AK5: variants seen among roughly 807,000 people sequenced by gnomAD.
AK5 encodes adenylate kinase 5.
In AK5, 27 loss-of-function variants were observed where a neutral mutation model predicts 69.5. The ratio of observed to expected loss-of-function variants is 0.39; its 90% CI spans 0.29 to 0.54. The LOEUF (loss-of-function observed/expected upper bound fraction) is 0.54. AK5 is among the 20% of genes least tolerant of loss of function. AK5 has a pLI of 0.71. For missense variants in AK5, 531 were observed against 700.4 expected (o/e 0.76, Z 2.73); for synonymous variants, 260 against 244.4 (o/e 1.06, Z -0.60).
chr1:77,307,385 A>G (rs1216704295), intron 5 of AK5, among the ~76,000 whole-genome samples: 1 of 151,450 alleles, frequency 6.6e-6, no homozygotes, highest in Non-Finnish European at 1.5e-5. Flanking sequence ...ATATTTGTAT[A>G]ATTATATATC....
chr1:77,372,341 A>G (rs1647135482), intron 6 of AK5, among the ~76,000 whole-genome samples: 1 of 152,174 alleles, frequency 6.6e-6, no homozygotes. Context: ...AATAATTTTT[A>G]TGAGCCCTTG....
At chr1:77,442,304 G>T (rs1407931466) in intron 8 of AK5, among the ~76,000 whole-genome samples, 3 of 152,194 alleles carry the variant, frequency 2.0e-5, no homozygotes, top group African/African-American at 7.2e-5. Context: ...TTCCAAGATG[G>T]TGTGTAGGGC....
chr1:77,463,516 G>C (rs1418700558), intron 8 of AK5, among the ~76,000 whole-genome samples: 1 of 151,162 alleles, frequency 6.6e-6, no homozygotes, highest in Non-Finnish European at 1.5e-5. Flanking sequence ...TTCACTATGT[G>C]AGTGTCTTGG....
At chr1:77,323,616 TC>T (rs1241396689) in intron 5 of AK5, among the ~76,000 whole-genome samples, 5 of 152,202 alleles carry the variant, frequency 3.3e-5, no homozygotes, top group Non-Finnish European at 7.3e-5. Context: ...TGGTTTAAAA[TC>T]CCTAGCAGGC....
At chr1:77,429,815 A>G (rs1651477750) in intron 8 of AK5, among the ~76,000 whole-genome samples, 1 of 152,206 alleles carries the variant, frequency 6.6e-6, no homozygotes, top group Admixed American at 6.5e-5. Flanking sequence ...CCAAGTATGT[A>G]TGAGAACAGG....
chr1:77,535,440 C>T (rs1441988431), intron 12 of AK5, among the ~76,000 whole-genome samples: 1 of 152,184 alleles, frequency 6.6e-6, no homozygotes, highest in East Asian at 1.9e-4. Flanking sequence ...AGAATGCCAC[C>T]TGTGGCTGTT....
chr1:77,485,816 G>C (rs975417411), intron 9 of AK5, among the ~76,000 whole-genome samples: 1 of 152,118 alleles, frequency 6.6e-6, no homozygotes, highest in Non-Finnish European at 1.5e-5. Context: ...TACCGGGGTG[G>C]GGGAATAAGA....
chr1:77,510,568 A>G (rs1307130694), intron 10 of AK5, among the ~76,000 whole-genome samples: 2 of 151,398 alleles, frequency 1.3e-5, no homozygotes, highest in African/African-American at 4.9e-5. Flanking sequence ...CTCAGAGGAC[A>G]CACGCAATGG....
chr1:77,417,747 A>T, intron 8 of AK5, 32 bp downstream of exon 8: 4 of 1,348,784 alleles, frequency 3.0e-6, no homozygotes, highest in Non-Finnish European at 3.1e-6. Context: ...TTCTCTATTT[A>T]AATGTTTTTA....
chr1:77,460,424 A>G (rs1166319040), intron 8 of AK5, among the ~76,000 whole-genome samples: 1 of 152,248 alleles, frequency 6.6e-6, no homozygotes, highest in Admixed American at 6.5e-5. Flanking sequence ...TAAAATTAGA[A>G]CATACATTTG....
intron 6 of AK5, among the ~76,000 whole-genome samples, chr1:77,387,100 A>C (rs989047618): frequency 1.3e-5 from 2 of 152,278 alleles, no homozygotes; most frequent in African/African-American, 4.8e-5. Context: ...CTGTTCATGG[A>C]TGCACAGGTT....
intron 8 of AK5, among the ~76,000 whole-genome samples, chr1:77,443,677 CTGTG>C (rs71244408): frequency 0.084 from 11,280 of 134,056 alleles, 486 homozygotes; most frequent in Middle Eastern, 0.14. Flanking sequence ...TGTGGGGAGT[CTGTG>C]TGTGTGTGTG....
chr1:77,308,453 A>C (rs956082895), intron 5 of AK5, among the ~76,000 whole-genome samples: 2 of 136,784 alleles, frequency 1.5e-5, no homozygotes, highest in Non-Finnish European at 3.1e-5. Context: ...AAAAAAAAAA[A>C]AAAAATCTTT....
intron 11 of AK5, among the ~76,000 whole-genome samples, chr1:77,519,861 T>G (rs1397124111): frequency 6.6e-6 from 1 of 152,202 alleles, no homozygotes; most frequent in African/African-American, 2.4e-5. Context: ...CAGCAAGGTC[T>G]TTATGACCTG....
At chr1:77,465,333 G>T (rs1177939093) in intron 8 of AK5, among the ~76,000 whole-genome samples, 1 of 152,080 alleles carries the variant, frequency 6.6e-6, no homozygotes, top group East Asian at 1.9e-4. Context: ...TGAGTAGTCT[G>T]TTCTTGAGTT....
chr1:77,367,653 GTTAT>G (rs1646994634), intron 6 of AK5, among the ~76,000 whole-genome samples: 1 of 89,338 alleles, frequency 1.1e-5, no homozygotes, highest in African/African-American at 4.9e-5. Flanking sequence ...TGTTATATAT[GTTAT>G]ATATATGTTA....
intron 12 of AK5, among the ~76,000 whole-genome samples, chr1:77,534,452 C>T (rs1411435805): frequency 6.6e-6 from 1 of 152,192 alleles, no homozygotes; most frequent in African/African-American, 2.4e-5. Flanking sequence ...AATCCCTGCA[C>T]ACGGGGAACC....
intron 6 of AK5, chr1:77,349,406 A>G (rs1217042589): frequency 6.6e-6 from 1 of 152,210 alleles, no homozygotes; most frequent in Non-Finnish European, 1.5e-5. Flanking sequence ...GAGAAAAACG[A>G]AAGCACATGA....
In AK5 at chr1:77,327,503, C is replaced by T. The variant is rs766240086; in HGVS notation, c.700-12874C>T. On this transcript the variant is annotated intron_variant, in intron 5 of 13. Transcript: ENST00000354567. ...TTTTCCTGGCTGAGTCTGGCAACAT[C>T]GGCCAACATTATCGTCCAGTCATTT... 4.0e-4 allele frequency among the ~76,000 whole-genome samples: 61 copies of T among 152,140 alleles called. No homozygotes were observed. In the Middle Eastern group the frequency reaches 0.01, roughly 25 times the overall value.
Sources: gnomAD v4.1 joint callset for allele counts (sites outside exome capture counted in the v4.1 genomes callset) on GRCh38, gnomAD v4.1.1 for gene constraint, MANE v1.5 for transcripts, NCBI Gene and HGNC (gene_info 2026-07-23, HGNC 2026-07-21) for gene names.